Variants in IFNGR1 observed in about 807,000 individuals in gnomAD.
IFNGR1 encodes AVP, type 2.
In IFNGR1, 23 loss-of-function variants were observed where a neutral mutation model predicts 35.4. The ratio of observed to expected loss-of-function variants is 0.65; its 90% CI spans 0.47 to 0.92. The LOEUF (loss-of-function observed/expected upper bound fraction) is 0.92. Ranked by LOEUF, IFNGR1 falls within the 40% of genes least tolerant of loss-of-function variation. The pLI is 0.00. For missense variants in IFNGR1, 533 were observed against 583.4 expected, an observed-to-expected ratio of 0.91 and a Z score of 0.89; for synonymous variants, 199 against 209.5, an observed-to-expected ratio of 0.95 and a Z score of 0.43.
At chr6:137,218,442 G>C (rs1779759492) in intron 1 of IFNGR1, 1 of 1,254,252 alleles carries the variant, frequency 8.0e-7, no homozygotes, top group African/African-American at 1.5e-5. Context: ...CCCGTACGAA[G>C]AGACCTACTG....
intron 1 of IFNGR1, among the ~76,000 whole-genome samples, chr6:137,214,932 T>C (rs1011889964): frequency 2.0e-5 from 3 of 152,356 alleles, no homozygotes; most frequent in African/African-American, 7.2e-5. Context: ...TTTGTTTTTT[T>C]AAAAGCCAAC....
intron 1 of IFNGR1, 108 bp downstream of exon 1, chr6:137,219,135 C>G: frequency 6.9e-7 from 1 of 1,443,694 alleles, no homozygotes; most frequent in East Asian, 2.5e-5. Context: ...CGCAGGGGTC[C>G]CGGGCTAGGG....
intron 1 of IFNGR1, among the ~76,000 whole-genome samples, chr6:137,217,531 G>A (rs774978006): frequency 6.6e-6 from 1 of 152,148 alleles, no homozygotes; most frequent in Non-Finnish European, 1.5e-5. Flanking sequence ...TAGAATGGAG[G>A]AGGCTGCAAG....
At chr6:137,203,192 C>T (rs774901318) in intron 5 of IFNGR1, among the ~76,000 whole-genome samples, 1 of 152,104 alleles carries the variant, frequency 6.6e-6, no homozygotes, top group Non-Finnish European at 1.5e-5. Flanking sequence ...GGTGAAGTAA[C>T]AAACTGACTT....
At chr6:137,215,668 ACTTTT>A (rs1260197195) in intron 1 of IFNGR1, among the ~76,000 whole-genome samples, 1 of 152,136 alleles carries the variant, frequency 6.6e-6, no homozygotes, top group African/African-American at 2.4e-5. Flanking sequence ...GCTGTTTATT[ACTTTT>A]CTTTAGGTTT....
In IFNGR1 at chr6:137,206,976, C is replaced by A; in HGVS notation, c.187G>T (p.Val63Leu). 1 of 1,610,552 alleles carries A rather than the reference C, an allele frequency of 6.2e-7. No individual in the cohort carries two copies. The highest frequency in any genetic ancestry group is 1.3e-5 in the African/African-American group (1 of 74,974). ...AGTGACACTCACCCATAGTTCTTTA[C>A]CTCTACGGTAAAAACAGGGACCTGT... ...MPQVPVFTVE[V>L]KNYGVKNSEW... Residue 63 changes from valine (V) to leucine (L), a missense_variant, in exon 2 of 7, where the codon GTA (valine) becomes TTA (leucine). By Grantham distance (32) the Val-to-Leu change is conservative. Transcript: ENST00000367739.
chr6:137,205,101 C>T (rs538296126), intron 3 of IFNGR1, among the ~76,000 whole-genome samples: 5 of 152,112 alleles, frequency 3.3e-5, no homozygotes, highest in South Asian at 2.1e-4. Context: ...CTTTCCGGCA[C>T]GTAGTAGGCC....
chr6:137,206,641 G>A, intron 2 of IFNGR1: 1 of 384,796 alleles, frequency 2.6e-6, no homozygotes, highest in Non-Finnish European at 4.6e-6. Flanking sequence ...AAAACTAACA[G>A]TTGTCAAAAA....
intron 1 of IFNGR1, among the ~76,000 whole-genome samples, chr6:137,216,004 G>A (rs1342808103): frequency 6.6e-6 from 1 of 152,110 alleles, no homozygotes; most frequent in African/African-American, 2.4e-5. Flanking sequence ...CCCCAGCCTA[G>A]GTTTTCTTTT....
rs766429431 is a variant in IFNGR1 at position 137,198,420 on chromosome 6, T to C, written c.1081A>G (p.Asn361Asp). Residue 361 changes from asparagine (N) to aspartate (D), a missense_variant, in exon 7 of 7, where the codon AAT becomes GAT. Transcript: ENST00000367739. ...SITEVVTTEENIPDVVPGSHL... is the reference protein window; with the variant it reads ...SITEVVTTEEDIPDVVPGSHL... ...CTGCCCGGGACCACGTCAGGAATAT[T>C]TTCTTCAGTAGTCACCACTTCTGTT... 2 of 1,614,162 alleles carry C rather than the reference T, an allele frequency of 1.2e-6. No individual in the cohort carries two copies. Among genetic ancestry groups the C allele is most frequent in the African/African-American group, 2.7e-5 (2 of 75,026 alleles).
intron 2 of IFNGR1, 66 bp downstream of exon 2, chr6:137,206,897 T>C (rs796276822): frequency 3.9e-5 from 47 of 1,214,576 alleles, no homozygotes; most frequent in African/African-American, 3.4e-4. Context: ...AAGAACACAG[T>C]TGTGGAATTT....
chr6:137,212,472 G>A (rs933466058), intron 1 of IFNGR1, among the ~76,000 whole-genome samples: 9 of 152,146 alleles, frequency 5.9e-5, no homozygotes, highest in Admixed American at 2.6e-4. Context: ...TGGTCAGGCT[G>A]GTCTCAAACT....
chr6:137,198,675 G>C (rs1443423246), intron 6 of IFNGR1, 36 bp from the exon 7 acceptor site: 1 of 1,563,160 alleles, frequency 6.4e-7, no homozygotes, highest in Admixed American at 1.7e-5. Context: ...ATAAAAAATT[G>C]TTAAGCTTAA....
rs41288979 is a variant in IFNGR1, at chr6:137,198,160, G to C, written c.1341C>G (p.Thr447=). 12 of 1,614,086 alleles carry C rather than the reference G, an allele frequency of 7.4e-6. No individual in the cohort carries two copies. Among genetic ancestry groups the C allele is most frequent in the Non-Finnish European group, 8.5e-6 (10 of 1,180,012 alleles). Residue 447 remains threonine, a synonymous_variant, in exon 7 of 7, where the codon ACC becomes ACG. Coordinates refer to ENST00000367739, the MANE Select transcript of IFNGR1 (RefSeq NM_000416.3). ...CAAAGGAGGTGGGGGCTTTTATTACGGTTATGAGCTCTTGTCCTTCTGTTT... is the reference window on the plus strand; with the variant it reads ...CAAAGGAGGTGGGGGCTTTTATTACCGTTATGAGCTCTTGTCCTTCTGTTT... ...EIKTEGQELI[T]VIKAPTSFGY... is the part of the protein sequence containing the mutation.
intron 3 of IFNGR1, among the ~76,000 whole-genome samples, chr6:137,205,486 T>C (rs1393820571): frequency 6.6e-6 from 1 of 152,200 alleles, no homozygotes; most frequent in Non-Finnish European, 1.5e-5. Context: ...ACTGAAGACC[T>C]GAAAATCACA....
rs121913179 is a variant in IFNGR1, at chr6:137,203,789, T to C, written c.547-104A>G. On this transcript the variant is annotated intron_variant, in intron 4 of 6. Coordinates refer to ENST00000367739, the MANE Select transcript of IFNGR1 (RefSeq NM_000416.3). ...GGTCAAACAACTGAAGAAATATATA[T>C]GATTGACTTGAACATGTCTAAAAAT... 7.6e-6 allele frequency: 7 copies of C among 921,468 alleles called. No individual in the cohort carries two copies. The highest frequency in any genetic ancestry group is 3.3e-5 in the African/African-American group (2 of 59,732). 57.1% of individuals were successfully genotyped at this position (921,468 alleles called of 1,614,324 possible). A position where few individuals can be genotyped will look rare whatever the true frequency, so the allele number is the denominator to read the frequency against.
intron 5 of IFNGR1, among the ~76,000 whole-genome samples, chr6:137,201,444 G>A (rs965783905): frequency 6.6e-6 from 1 of 152,196 alleles, no homozygotes. Flanking sequence ...GGAAGTCGAG[G>A]TGGGCGGATC....
intron 1 of IFNGR1, among the ~76,000 whole-genome samples, chr6:137,213,942 T>A (rs750815995): frequency 2.0e-5 from 3 of 152,232 alleles, no homozygotes; most frequent in Non-Finnish European, 2.9e-5. Context: ...TTTGTACATC[T>A]ATGGTGGAAC....
At position 137,219,344 on chromosome 6, in the gene IFNGR1, G is replaced by T; in HGVS notation, c.-17C>A. On this transcript the variant is annotated 5_prime_UTR_variant, in exon 1 of 7. Transcript: ENST00000367739. ...GAGAGCCATGCTGCTACCGACGGTCGCTGGCTCCAACCCCGAGCGCCTGCG... is the reference window on the plus strand; with the variant it reads ...GAGAGCCATGCTGCTACCGACGGTCTCTGGCTCCAACCCCGAGCGCCTGCG... 6.3e-7 allele frequency: 1 copy of T among 1,593,956 alleles called. No individual in the cohort carries two copies. Among genetic ancestry groups the T allele is most frequent in the South Asian group, 1.1e-5 (1 of 87,834 alleles).
Sources: gnomAD v4.1 joint callset for allele counts (sites outside exome capture counted in the v4.1 genomes callset) on GRCh38, gnomAD v4.1.1 for gene constraint, MANE v1.5 for transcripts, NCBI Gene and HGNC (gene_info 2026-07-23, HGNC 2026-07-21) for gene names.